SLCO5A1: variants seen among roughly 807,000 people sequenced by gnomAD.
SLCO5A1 encodes the protein organic anion transporter polypeptide-related protein 4.
In SLCO5A1, 39 loss-of-function variants were observed where a neutral mutation model predicts 65.1. The ratio of observed to expected loss-of-function variants is 0.60; its 90% CI spans 0.46 to 0.78. The LOEUF (loss-of-function observed/expected upper bound fraction) is 0.78, where lower values mean the gene tolerates loss of function less well. Ranked by LOEUF, SLCO5A1 falls within the 30% of genes least tolerant of loss-of-function variation. The pLI, the probability that SLCO5A1 is intolerant of heterozygous loss-of-function variation, is 0.00. For missense variants in SLCO5A1, 1,029 were observed against 1,069.4 expected (o/e 0.96, Z 0.53); for synonymous variants, 438 against 415.7 (o/e 1.05, Z -0.65).
chr8:69,723,988 G>T (rs956550134), intron 5 of SLCO5A1, among the ~76,000 whole-genome samples: 1 of 152,086 alleles, frequency 6.6e-6, no homozygotes, highest in Non-Finnish European at 1.5e-5. Context: ...GGCCAGGCTG[G>T]TCTCGAACTC....
intron 2 of SLCO5A1, among the ~76,000 whole-genome samples, chr8:69,821,011 G>GTGC (rs1182144165): frequency 6.6e-6 from 1 of 152,096 alleles, no homozygotes; most frequent in East Asian, 1.9e-4. Context: ...CCCTTTTCTG[G>GTGC]TGCTCTTTCT....
chr8:69,716,831 G>A (rs1222365529), intron 5 of SLCO5A1, among the ~76,000 whole-genome samples: 2 of 150,098 alleles, frequency 1.3e-5, no homozygotes, highest in Non-Finnish European at 2.9e-5. Context: ...CCAGGCTGGA[G>A]TACAGTGGCA....
intron 4 of SLCO5A1, 83 bp from the exon 5 acceptor site, chr8:69,738,287 C>A: frequency 7.7e-7 from 1 of 1,304,316 alleles, no homozygotes; most frequent in Non-Finnish European, 1.0e-6. Flanking sequence ...TTGAAATGAA[C>A]TGGAAATAGC....
intron 2 of SLCO5A1, among the ~76,000 whole-genome samples, chr8:69,831,393 T>A (rs964169226): frequency 3.3e-5 from 5 of 152,036 alleles, no homozygotes; most frequent in Admixed American, 6.6e-5. Flanking sequence ...AAGCAGAAAA[T>A]CATCAAAACT....
chr8:69,702,698 A>G (rs569212618), intron 6 of SLCO5A1, among the ~76,000 whole-genome samples: 7 of 152,246 alleles, frequency 4.6e-5, no homozygotes, highest in Non-Finnish European at 1.0e-4. Context: ...ATTTTAGAAC[A>G]TAAAACTCCA....
intron 2 of SLCO5A1, among the ~76,000 whole-genome samples, chr8:69,766,413 T>C (rs1316667591): frequency 6.6e-6 from 1 of 152,192 alleles, no homozygotes; most frequent in Non-Finnish European, 1.5e-5. Context: ...CCCTGTTCCC[T>C]AGGCTCCAGT....
At position 69,784,778 on chromosome 8, in the gene SLCO5A1, A is replaced by T. The variant is rs186512666; in HGVS notation, c.908-22903T>A. On this transcript the variant is annotated intron_variant, in intron 2 of 9. Coordinates refer to ENST00000260126, the MANE Select transcript of SLCO5A1 (RefSeq NM_030958.3). ...ACTTCAGCCTGGGCAACAGAGCAAGACTCTGTCTGAAAAAAAAAGAAAGAA... is the reference window on the plus strand; with the variant it reads ...ACTTCAGCCTGGGCAACAGAGCAAGTCTCTGTCTGAAAAAAAAAGAAAGAA... Among the ~76,000 whole-genome samples the T allele has an allele frequency of 6.8e-4, 102 of 149,066 alleles. 3 individuals are homozygous for T. In the South Asian group the frequency reaches 0.013, roughly 19 times the overall value.
chr8:69,778,178 T>A (rs529764504), intron 2 of SLCO5A1, among the ~76,000 whole-genome samples: 5 of 151,966 alleles, frequency 3.3e-5, no homozygotes. Flanking sequence ...GGTTCGGGGG[T>A]ATCCCCTGCA....
chr8:69,763,893 G>A (rs886657043), intron 2 of SLCO5A1, among the ~76,000 whole-genome samples: 1 of 151,402 alleles, frequency 6.6e-6, no homozygotes, highest in African/African-American at 2.4e-5. Context: ...TTTTGAGACG[G>A]ATTCTCTGTC....
chr8:69,792,950 T>G (rs975802524), intron 2 of SLCO5A1, among the ~76,000 whole-genome samples: 4 of 152,014 alleles, frequency 2.6e-5, no homozygotes, highest in South Asian at 2.1e-4. Flanking sequence ...TTTGTTTGTT[T>G]TTGTTGTTGT....
chr8:69,684,786 T>C (rs2130792059), intron 6 of SLCO5A1, among the ~76,000 whole-genome samples: 1 of 136,032 alleles, frequency 7.4e-6, no homozygotes, highest in East Asian at 2.2e-4. Flanking sequence ...AATTCTTTCC[T>C]GTGCAAAGCC....
chr8:69,699,238 C>A (rs911914313), intron 6 of SLCO5A1, among the ~76,000 whole-genome samples: 15 of 152,166 alleles, frequency 9.9e-5, no homozygotes, highest in Admixed American at 9.8e-4. Context: ...GGCATAAGAG[C>A]ACCACACATA....
intron 2 of SLCO5A1, among the ~76,000 whole-genome samples, chr8:69,766,701 C>T (rs897145665): frequency 7.9e-5 from 12 of 152,184 alleles, no homozygotes; most frequent in African/African-American, 9.7e-5. Context: ...CCCCTTTTCC[C>T]GCTTTATTTT....
intron 9 of SLCO5A1, 148 bp downstream of exon 9, chr8:69,676,461 G>A: frequency 1.9e-6 from 1 of 532,420 alleles, no homozygotes; most frequent in African/African-American, 2.0e-5. Flanking sequence ...GTTCAAATCA[G>A]AAAACAAGGA....
chr8:69,692,637 T>C (rs192723602), intron 6 of SLCO5A1, among the ~76,000 whole-genome samples: 3,914 of 152,310 alleles, frequency 0.026, 157 homozygotes, highest in African/African-American at 0.087. Flanking sequence ...TGTTTTCTTT[T>C]TTTGCCGTTT....
chr8:69,798,365 G>T (rs1391246118), intron 2 of SLCO5A1, among the ~76,000 whole-genome samples: 2 of 152,058 alleles, frequency 1.3e-5, no homozygotes, highest in African/African-American at 4.8e-5. Flanking sequence ...GCTTTAATTG[G>T]CTCATGGTTC....
chr8:69,798,154 T>A (rs1023388849), intron 2 of SLCO5A1, among the ~76,000 whole-genome samples: 4 of 152,186 alleles, frequency 2.6e-5, no homozygotes, highest in African/African-American at 9.6e-5. Flanking sequence ...GATATCTGGC[T>A]GAATTTCTCC....
At chr8:69,766,479 AC>A (rs767415143) in intron 2 of SLCO5A1, among the ~76,000 whole-genome samples, 23 of 152,152 alleles carry the variant, frequency 1.5e-4, no homozygotes, top group Non-Finnish European at 2.5e-4. Context: ...TTAGGGTCTT[AC>A]CAGTTGCTCT....
chr8:69,711,585 C>T (rs1815262825), intron 5 of SLCO5A1, among the ~76,000 whole-genome samples: 1 of 152,180 alleles, frequency 6.6e-6, no homozygotes, highest in Non-Finnish European at 1.5e-5. Flanking sequence ...AGGAGAGAAC[C>T]CAACGCAATT....
Sources: gnomAD v4.1 joint callset for allele counts (sites outside exome capture counted in the v4.1 genomes callset) on GRCh38, gnomAD v4.1.1 for gene constraint, MANE v1.5 for transcripts, NCBI Gene and HGNC (gene_info 2026-07-23, HGNC 2026-07-21) for gene names.